Variants in PTPRD observed in about 807,000 individuals in gnomAD.
PTPRD encodes receptor-type tyrosine-protein phosphatase delta.
PTPRD carries 34 observed loss-of-function variants against 214.5 expected under a neutral mutation model. The observed-to-expected ratio is 0.16, with a 90% CI of 0.12 to 0.21. The LOEUF (loss-of-function observed/expected upper bound fraction) is 0.21, where lower values mean the gene tolerates loss of function less well. PTPRD is among the 10% of genes least tolerant of loss of function. The pLI is 1.00. For synonymous variants in PTPRD, 1,128 were observed against 845.7 expected (o/e 1.33, Z -5.79); for missense variants, 2,545 against 2,398.7 (o/e 1.06, Z -1.27).
At chr9:9,133,838 C>CTTCG (rs2099846582) in intron 10 of PTPRD, among the ~76,000 whole-genome samples, 3 of 152,130 alleles carry the variant, frequency 2.0e-5, no homozygotes, top group Non-Finnish European at 2.9e-5. Context: ...CTCCCACTTC[C>CTTCG]TCGTAAGGGC....
intron 5 of PTPRD, among the ~76,000 whole-genome samples, chr9:9,788,562 A>AG (rs992870496): frequency 3.3e-5 from 5 of 151,206 alleles, no homozygotes; most frequent in Admixed American, 6.6e-5. Context: ...AAAAAAAAAA[A>AG]AAAGAAAGAA....
At chr9:9,097,401 T>C (rs910189506) in intron 10 of PTPRD, among the ~76,000 whole-genome samples, 1 of 144,918 alleles carries the variant, frequency 6.9e-6, no homozygotes, top group Non-Finnish European at 1.5e-5. Flanking sequence ...ACACCATGGC[T>C]CTTTTTTTTT....
At chr9:9,411,603 G>A (rs1403564939) in intron 8 of PTPRD, among the ~76,000 whole-genome samples, 1 of 152,160 alleles carries the variant, frequency 6.6e-6, no homozygotes, top group East Asian at 1.9e-4. Context: ...CGAAATGAGA[G>A]CTAAATTGTT....
chr9:9,590,009 C>T (rs1281602159), intron 7 of PTPRD, among the ~76,000 whole-genome samples: 1 of 151,892 alleles, frequency 6.6e-6, no homozygotes, highest in Non-Finnish European at 1.5e-5. Flanking sequence ...GAGTAAGCAA[C>T]TCTTACTCTT....
intron 2 of PTPRD, among the ~76,000 whole-genome samples, chr9:10,420,198 A>C (rs1488237604): frequency 2.6e-5 from 4 of 151,884 alleles, no homozygotes; most frequent in Admixed American, 1.3e-4. Flanking sequence ...GAATTCTTCT[A>C]AACAAATTGC....
At chr9:10,220,980 G>T (rs1002425910) in intron 3 of PTPRD, among the ~76,000 whole-genome samples, 2 of 151,734 alleles carry the variant, frequency 1.3e-5, no homozygotes, top group African/African-American at 4.8e-5. Context: ...AAACGAAATG[G>T]TACACAGAAG....
At chr9:9,845,591 C>A (rs2059378745) in intron 5 of PTPRD, among the ~76,000 whole-genome samples, 1 of 151,896 alleles carries the variant, frequency 6.6e-6, no homozygotes. Context: ...TAGGGTCCTT[C>A]AGTTAGTGGT....
At chr9:9,125,633 A>G (rs1041099267) in intron 10 of PTPRD, among the ~76,000 whole-genome samples, 32 of 152,218 alleles carry the variant, frequency 2.1e-4, no homozygotes, top group Non-Finnish European at 4.6e-4. Flanking sequence ...GAATAATTTC[A>G]TTAGAAAACA....
rs146736465 is a variant in PTPRD at position 8,744,359 on chromosome 9, G to T, written c.-103-10413C>A. ...AGATACTTGCACACGCATGTATACA[G>T]CAGCACAATTTGCAACTGCAAAAAT... On this transcript the variant is annotated intron_variant, in intron 11 of 45. Coordinates refer to ENST00000381196, the MANE Select transcript of PTPRD (RefSeq NM_002839.4). Among the ~76,000 whole-genome samples, 1,362 of 152,288 alleles carry T rather than the reference G, an allele frequency of 8.9e-3. 22 individuals carry two copies. Among genetic ancestry groups the T allele is most frequent in the African/African-American group, 0.031 (1,278 of 41,552 alleles).
At chr9:9,107,017 T>C (rs2099799609) in intron 10 of PTPRD, among the ~76,000 whole-genome samples, 1 of 152,162 alleles carries the variant, frequency 6.6e-6, no homozygotes, top group Non-Finnish European at 1.5e-5. Context: ...AAAAGTATGC[T>C]CTTCAGCTAT....
chr9:8,734,470 C>T (rs2098695685), intron 11 of PTPRD, among the ~76,000 whole-genome samples: 1 of 152,214 alleles, frequency 6.6e-6, no homozygotes, highest in Admixed American at 6.5e-5. Flanking sequence ...ATTTTTTACA[C>T]TAGCATATTT....
chr9:10,166,229 G>C (rs1260372025), intron 3 of PTPRD, among the ~76,000 whole-genome samples: 1 of 147,534 alleles, frequency 6.8e-6, no homozygotes, highest in Non-Finnish European at 1.5e-5. Flanking sequence ...TAGTAATAAA[G>C]GGACTGAAAA....
chr9:9,464,662 C>T (rs1164031419), intron 8 of PTPRD, among the ~76,000 whole-genome samples: 1 of 152,102 alleles, frequency 6.6e-6, no homozygotes, highest in East Asian at 1.9e-4. Context: ...TATCAAATTC[C>T]ATCTGTTAGT....
chr9:8,362,840 A>G (rs1386952545), intron 39 of PTPRD, among the ~76,000 whole-genome samples: 1 of 152,190 alleles, frequency 6.6e-6, no homozygotes, highest in Non-Finnish European at 1.5e-5. Flanking sequence ...GTTTTATCCA[A>G]TATCTCTTAT....
chr9:9,182,123 C>T (rs1472264945), intron 10 of PTPRD, among the ~76,000 whole-genome samples: 2 of 151,958 alleles, frequency 1.3e-5, no homozygotes, highest in Non-Finnish European at 2.9e-5. Flanking sequence ...AATGATGAAC[C>T]CCCATGGAAA....
chr9:10,203,169 C>CT (rs60069193), intron 3 of PTPRD, among the ~76,000 whole-genome samples: 4,213 of 119,858 alleles, frequency 0.035, 115 homozygotes, highest in Admixed American at 0.079. Context: ...CCCTCTCTCT[C>CT]TTTTTTTTTT....
At chr9:10,418,862 G>A (rs2154514987) in intron 2 of PTPRD, among the ~76,000 whole-genome samples, 1 of 151,954 alleles carries the variant, frequency 6.6e-6, no homozygotes, top group African/African-American at 2.4e-5. Context: ...AGCCCTCCTA[G>A]AAGTGATTTC....
At chr9:9,603,105 T>C (rs1293786111) in intron 7 of PTPRD, among the ~76,000 whole-genome samples, 1 of 152,094 alleles carries the variant, frequency 6.6e-6, no homozygotes, top group African/African-American at 2.4e-5. Context: ...GCTGCTAATA[T>C]ATGGCTAGAA....
chr9:10,518,064 G>T (rs2050734951), intron 2 of PTPRD, among the ~76,000 whole-genome samples: 1 of 152,020 alleles, frequency 6.6e-6, no homozygotes, highest in South Asian at 2.1e-4. Flanking sequence ...CTGTCACATG[G>T]GTGAATGGAC....
Sources: gnomAD v4.1 joint callset for allele counts (sites outside exome capture counted in the v4.1 genomes callset) on GRCh38, gnomAD v4.1.1 for gene constraint, MANE v1.5 for transcripts, NCBI Gene and HGNC (gene_info 2026-07-23, HGNC 2026-07-21) for gene names.